ERBIN: variants seen among roughly 807,000 people sequenced by gnomAD.
The protein encoded by ERBIN is erbb2 interacting protein.
Under a neutral mutation model 158.4 loss-of-function variants are expected in ERBIN, and 60 were observed. The ratio of observed to expected loss-of-function variants is 0.38; its 90% confidence interval spans 0.31 to 0.47. ERBIN has a LOEUF of 0.47. Ranked by LOEUF, ERBIN falls within the 20% of genes least tolerant of loss-of-function variation. The probability of loss-of-function intolerance (pLI) is 0.99; values close to 1 mark genes in which losing one functional copy is unlikely to be tolerated. For synonymous variants in ERBIN, 594 were observed against 557.2 expected, an observed-to-expected ratio of 1.07 and a Z score of -0.93; for missense variants, 1,610 against 1,648.0, an observed-to-expected ratio of 0.98 and a Z score of 0.40.
rs777794011 is a variant in ERBIN, at chr5:66,053,692, G to A, written c.2374G>A (p.Gly792Arg). 2 of 1,613,828 alleles carry A rather than the reference G, an allele frequency of 1.2e-6. No homozygotes were observed. Among genetic ancestry groups the A allele is most frequent in the Non-Finnish European group, 1.7e-6 (2 of 1,179,950 alleles). ...ATCAAAAACACAGGATATTGTGCTT[G>A]GAACAAGCTTTTTAAGCATTAATTC... is the stretch of plus-strand genomic sequence containing the variant. ...ERSKTQDIVL[G>R]TSFLSINSKE... is the part of the protein sequence containing the mutation. The change falls in exon 21 of 26, where the codon GGA (glycine) becomes AGA (arginine). Residue 792 changes from glycine (G) to arginine (R), a missense_variant. Coordinates refer to ENST00000284037, the MANE Select transcript of ERBIN (RefSeq NM_001253697.2).
intron 25 of ERBIN, among the ~76,000 whole-genome samples, chr5:66,077,337 G>A (rs144505886): frequency 1.3e-5 from 2 of 151,922 alleles, no homozygotes; most frequent in East Asian, 3.9e-4. Flanking sequence ...CCTTTTCTTT[G>A]TTCATTCAGC....
chr5:66,030,859 C>T (rs1207918851), intron 14 of ERBIN, among the ~76,000 whole-genome samples: 1 of 152,142 alleles, frequency 6.6e-6, no homozygotes, highest in Non-Finnish European at 1.5e-5. Context: ...GTGTTAACCA[C>T]CATGCCTGGC....
At chr5:65,981,090 T>C (rs1242033697) in intron 1 of ERBIN, among the ~76,000 whole-genome samples, 1 of 152,228 alleles carries the variant, frequency 6.6e-6, no homozygotes, top group Non-Finnish European at 1.5e-5. Flanking sequence ...AGTACTGTTC[T>C]GTTGACTGCA....
intron 1 of ERBIN, among the ~76,000 whole-genome samples, chr5:65,972,861 G>T (rs902514225): frequency 6.6e-6 from 1 of 151,270 alleles, no homozygotes; most frequent in Non-Finnish European, 1.5e-5. Context: ...GGTTTTTGGT[G>T]TTCCTAATCA....
intron 1 of ERBIN, among the ~76,000 whole-genome samples, chr5:65,987,340 G>A (rs1751341469): frequency 6.7e-6 from 1 of 149,048 alleles, no homozygotes; most frequent in Admixed American, 6.7e-5. Flanking sequence ...TTTGAGACCA[G>A]CTTGGGCAAC....
chr5:66,056,965 A>C (rs1226425027), intron 21 of ERBIN, among the ~76,000 whole-genome samples: 1 of 152,124 alleles, frequency 6.6e-6, no homozygotes. Flanking sequence ...TCTTTCTTAA[A>C]TGTATGCTGT....
chr5:65,993,363 C>A (rs867649324), intron 3 of ERBIN, among the ~76,000 whole-genome samples: 3 of 152,092 alleles, frequency 2.0e-5, no homozygotes, highest in Admixed American at 2.0e-4. Flanking sequence ...TGTTTTCCTC[C>A]ATTTACAATT....
intron 21 of ERBIN, among the ~76,000 whole-genome samples, chr5:66,058,969 T>C (rs1300853257): frequency 6.6e-6 from 1 of 152,208 alleles, no homozygotes; most frequent in East Asian, 1.9e-4. Flanking sequence ...TCAGGTAGCG[T>C]GATGCCTCCA....
intron 1 of ERBIN, among the ~76,000 whole-genome samples, chr5:65,952,765 T>G (rs932194070): frequency 6.6e-6 from 1 of 152,208 alleles, no homozygotes; most frequent in Non-Finnish European, 1.5e-5. Context: ...TGGTTTACAG[T>G]TTAGTGAATA....
chr5:65,982,769 G>T (rs556716999), intron 1 of ERBIN, among the ~76,000 whole-genome samples: 2 of 152,316 alleles, frequency 1.3e-5, no homozygotes, highest in Admixed American at 6.5e-5. Context: ...CAATAGTTTT[G>T]AGTAGAATTA....
At chr5:65,965,379 GTTGTTTTTTTTTTTTT>G (rs1748458902) in intron 1 of ERBIN, among the ~76,000 whole-genome samples, 2 of 103,652 alleles carry the variant, frequency 1.9e-5, no homozygotes, top group Admixed American at 1.2e-4. Flanking sequence ...TTTGTTTTTT[GTTGTTTTTTTTTTTTT>G]TTTTTTTTTT....
intron 17 of ERBIN, among the ~76,000 whole-genome samples, 157 bp downstream of exon 17, chr5:66,044,467 C>T (rs1758214616): frequency 6.6e-6 from 1 of 152,104 alleles, no homozygotes; most frequent in Admixed American, 6.6e-5. Flanking sequence ...GATGGTGGTC[C>T]TATAAGAGTA....
At chr5:65,968,424 A>G (rs995387994) in intron 1 of ERBIN, among the ~76,000 whole-genome samples, 1 of 152,240 alleles carries the variant, frequency 6.6e-6, no homozygotes, top group Non-Finnish European at 1.5e-5. Context: ...AGCAAGGTGC[A>G]ATTACCAGAC....
At chr5:66,060,611 A>G (rs1049742692) in intron 21 of ERBIN, among the ~76,000 whole-genome samples, 10 of 151,968 alleles carry the variant, frequency 6.6e-5, no homozygotes, top group African/African-American at 2.4e-4. Flanking sequence ...TTGCTTCTCT[A>G]GTGCTTTTAA....
intron 18 of ERBIN, among the ~76,000 whole-genome samples, chr5:66,048,057 C>T (rs1027438143): frequency 7.9e-5 from 12 of 151,466 alleles, no homozygotes; most frequent in Non-Finnish European, 1.3e-4. Flanking sequence ...AATTTTAATT[C>T]GCAGATACAG....
At chr5:65,995,804 C>A (rs951321439) in intron 4 of ERBIN, among the ~76,000 whole-genome samples, 4 of 152,110 alleles carry the variant, frequency 2.6e-5, no homozygotes, top group Non-Finnish European at 5.9e-5. Flanking sequence ...TTTACTCATT[C>A]TAGCAGGTGT....
intron 1 of ERBIN, among the ~76,000 whole-genome samples, chr5:65,937,490 A>C (rs772847662): frequency 3.3e-5 from 5 of 151,974 alleles, no homozygotes; most frequent in Non-Finnish European, 5.9e-5. Context: ...TGTGTTTTTT[A>C]TGATACTATG....
At chr5:66,031,622 C>T (rs770016369) in intron 14 of ERBIN, among the ~76,000 whole-genome samples, 2 of 152,054 alleles carry the variant, frequency 1.3e-5, no homozygotes, top group Non-Finnish European at 2.9e-5. Context: ...TTTTGAGGCC[C>T]GAGTTTGAGA....
At chr5:66,040,295 G>T (rs7707053) in intron 15 of ERBIN, among the ~76,000 whole-genome samples, 5 of 151,796 alleles carry the variant, frequency 3.3e-5, no homozygotes, top group Admixed American at 2.6e-4. Context: ...TTCTTCTCAT[G>T]CTGGTTTCTA....
Sources: allele counts gnomAD v4.1 joint callset (sites outside exome capture counted in the v4.1 genomes callset), GRCh38; gene constraint gnomAD v4.1.1; transcripts MANE v1.5; gene names NCBI Gene and HGNC (gene_info 2026-07-23, HGNC 2026-07-21).